Variants in VPS13C observed in about 807,000 individuals in gnomAD.
VPS13C encodes vacuolar protein sorting 13 homolog C, also known as intermembrane lipid transfer protein VPS13C.
A neutral mutation model predicts 456.8 loss-of-function variants in VPS13C; 358 were observed. That is an observed-to-expected ratio of 0.78 (90% CI 0.72 to 0.86). The LOEUF (loss-of-function observed/expected upper bound fraction) is 0.86. Ranked by LOEUF, VPS13C falls within the 40% of genes least tolerant of loss-of-function variation. VPS13C has a pLI of 0.00. For synonymous variants in VPS13C, 1,578 were observed against 1,486.7 expected, an observed-to-expected ratio of 1.06 and a Z score of -1.41; for missense variants, 4,818 against 4,385.4, an observed-to-expected ratio of 1.10 and a Z score of -2.79.
intron 62 of VPS13C, 125 bp downstream of exon 62, chr15:61,913,186 T>C (rs1318166641): frequency 1.2e-6 from 1 of 806,758 alleles, no homozygotes. Context: ...ACTGGGTATA[T>C]ACCCAAAGGA....
Position 61,896,954 on chromosome 15 carries a change from G to A in VPS13C, c.9106-6554C>T, listed in dbSNP as rs1009546801. Among the ~76,000 whole-genome samples the A allele has an allele frequency of 2.2e-4, 24 of 108,174 alleles. No homozygotes were observed. The East Asian group carries it at 2.9e-3, about 13-fold the overall frequency. 71.0% of individuals were successfully genotyped at this position (108,174 alleles called of 152,430 possible). A position where few individuals can be genotyped will look rare whatever the true frequency, so the allele number is the denominator to read the frequency against. ...AGTGGGTGCCTGACCCCTGACCCCCGAGCAGCCTAACTGGGAGGCACCCCC... is the reference window on the plus strand; with the variant it reads ...AGTGGGTGCCTGACCCCTGACCCCCAAGCAGCCTAACTGGGAGGCACCCCC... On this transcript the variant is annotated intron_variant, in intron 66 of 84. Coordinates refer to ENST00000644861, the MANE Select transcript of VPS13C (RefSeq NM_020821.3).
At chr15:61,878,579 T>C (rs747488357) in intron 74 of VPS13C, 28 bp downstream of exon 74, 2 of 1,600,466 alleles carry the variant, frequency 1.2e-6, no homozygotes, top group South Asian at 1.1e-5. Flanking sequence ...TACACCTGCT[T>C]CTCAATGTAC....
intron 47 of VPS13C, among the ~76,000 whole-genome samples, chr15:61,937,115 C>T (rs975687216): frequency 1.3e-5 from 2 of 151,492 alleles, no homozygotes; most frequent in African/African-American, 4.8e-5. Context: ...ATATTATTTA[C>T]TCTCCTTGAA....
rs2044600784 is a variant in VPS13C at position 61,946,236 on chromosome 15, C to A, written c.4980+71G>T. 3 of 1,177,694 alleles carry A rather than the reference C, an allele frequency of 2.5e-6. No homozygotes were observed. In the East Asian group the frequency reaches 7.7e-5, roughly 30 times the overall value. The allele number at this position is 1,177,694 out of a possible 1,614,324, so 73.0% of individuals were successfully genotyped here. On this transcript the variant is annotated intron_variant, in intron 44 of 84. Coordinates refer to ENST00000644861, the MANE Select transcript of VPS13C (RefSeq NM_020821.3). ...TGACAGATAATAAATGTATACTGTG[C>A]AAATAAATAATAGCATCTCAAATCC... is the stretch of plus-strand genomic sequence containing the variant.
Position 61,962,854 on chromosome 15 carries a change from T to C in VPS13C, c.3332-2A>G, listed in dbSNP as rs1485437510. The stretch of plus-strand genomic sequence containing the variant: ...GGAGAGAAAGGGAGGAATCCAGTCC[T>C]GAAAAAAAGAGTGTATTATTATAAT... On this transcript the variant is annotated splice_acceptor_variant, in intron 32 of 84. Coordinates refer to ENST00000644861, the MANE Select transcript of VPS13C (RefSeq NM_020821.3). LOFTEE classifies it high-confidence loss of function. 2.5e-6 allele frequency: 4 copies of C among 1,576,528 alleles called. No homozygotes were observed. Among genetic ancestry groups the C allele is most frequent in the Non-Finnish European group, 3.5e-6 (4 of 1,154,314 alleles).
rs1596333720 is a variant in VPS13C at position 61,921,830 on chromosome 15, G to C, written c.7062+117C>G. The C allele has an allele frequency of 5.4e-6, 5 of 922,650 alleles. No homozygotes were observed. The East Asian group carries it at 1.0e-4, about 19-fold the overall frequency. The allele number at this position is 922,650 out of a possible 1,614,324, so 57.2% of individuals were successfully genotyped here. On this transcript the variant is annotated intron_variant, in intron 55 of 84. Coordinates refer to ENST00000644861, the MANE Select transcript of VPS13C (RefSeq NM_020821.3). Reference sequence around the variant, plus strand: ...GAAAAGAGTTCTGACCTCATGGACAGAGCCCTTAAAAGGGCTTCAAGGATC... The same window carrying C: ...GAAAAGAGTTCTGACCTCATGGACACAGCCCTTAAAAGGGCTTCAAGGATC...
At chr15:62,047,800 T>C (rs1380756585) in intron 1 of VPS13C, among the ~76,000 whole-genome samples, 3 of 152,230 alleles carry the variant, frequency 2.0e-5, no homozygotes, top group Admixed American at 6.5e-5. Flanking sequence ...ACATATCCTA[T>C]GAATTCCAGA....
At chr15:61,997,526 A>G (rs192877342) in intron 16 of VPS13C, among the ~76,000 whole-genome samples, 43 of 152,252 alleles carry the variant, frequency 2.8e-4, no homozygotes, top group African/African-American at 1.0e-3. Context: ...GATAGCTAAA[A>G]CTTAATAGGT....
At chr15:62,005,835 T>A (rs1211222430) in intron 15 of VPS13C, among the ~76,000 whole-genome samples, 1 of 151,964 alleles carries the variant, frequency 6.6e-6, no homozygotes. Flanking sequence ...CCCGAGTAAC[T>A]GGGATTACGG....
At chr15:62,020,594 G>C in intron 8 of VPS13C, 56 bp from the exon 9 acceptor site, 1 of 1,550,180 alleles carries the variant, frequency 6.5e-7, no homozygotes, top group Non-Finnish European at 8.9e-7. Flanking sequence ...GCGAATCCAT[G>C]TCCTTTACAA....
At chr15:61,854,642 G>A in intron 84 of VPS13C, 84 bp from the exon 85 acceptor site, 1 of 1,406,496 alleles carries the variant, frequency 7.1e-7, no homozygotes, top group Non-Finnish European at 1.0e-6. Context: ...AGCAAGGGCT[G>A]AAGCTCTCCA....
intron 77 of VPS13C, among the ~76,000 whole-genome samples, chr15:61,874,557 T>C (rs1895273700): frequency 6.6e-6 from 1 of 152,080 alleles, no homozygotes; most frequent in Non-Finnish European, 1.5e-5. Context: ...GCAATTGCTT[T>C]AAACTAATAG....
At chr15:61,901,651 T>C (rs2043000860) in intron 66 of VPS13C, among the ~76,000 whole-genome samples, 2 of 152,036 alleles carry the variant, frequency 1.3e-5, no homozygotes, top group Admixed American at 6.6e-5. Flanking sequence ...GGAACACTTT[T>C]ACACTGTTGG....
intron 81 of VPS13C, chr15:61,866,105 T>C (rs1354682689): frequency 1.0e-6 from 1 of 984,792 alleles, no homozygotes; most frequent in African/African-American, 1.7e-5. Context: ...AATCAATAAA[T>C]ATTTTTACCC....
chr15:61,969,182 G>C (rs2045470768), intron 28 of VPS13C, 117 bp downstream of exon 28: 3 of 711,306 alleles, frequency 4.2e-6, no homozygotes, highest in Non-Finnish European at 2.2e-6. Flanking sequence ...TACTTGTAAA[G>C]TGCTTACAAC....
chr15:61,896,489 C>T (rs376672496), intron 66 of VPS13C, among the ~76,000 whole-genome samples: 22 of 152,124 alleles, frequency 1.4e-4, no homozygotes, highest in Admixed American at 4.6e-4. Flanking sequence ...AAAGGGGTGA[C>T]GGACGGGACC....
chr15:61,971,584 A>G (rs573466461), intron 27 of VPS13C, among the ~76,000 whole-genome samples: 6 of 152,298 alleles, frequency 3.9e-5, no homozygotes, highest in Non-Finnish European at 7.4e-5. Flanking sequence ...TAAAGGATCA[A>G]TCTGGCAAAT....
intron 16 of VPS13C, among the ~76,000 whole-genome samples, chr15:61,998,850 C>T (rs572346772): frequency 6.6e-6 from 1 of 152,324 alleles, no homozygotes; most frequent in South Asian, 2.1e-4. Context: ...TCCCACTCCT[C>T]AGCTTACTCA....
At chr15:61,965,826 C>A (rs1381349543) in intron 30 of VPS13C, among the ~76,000 whole-genome samples, 3 of 151,798 alleles carry the variant, frequency 2.0e-5, no homozygotes, top group African/African-American at 7.2e-5. Context: ...CATCAAAGTT[C>A]TTTTGTCTAC....
Sources: allele counts gnomAD v4.1 joint callset (sites outside exome capture counted in the v4.1 genomes callset), GRCh38; gene constraint gnomAD v4.1.1; transcripts MANE v1.5; gene names NCBI Gene and HGNC (gene_info 2026-07-23, HGNC 2026-07-21).